Variants in B3GALT1 observed in about 807,000 individuals in gnomAD.
B3GALT1 encodes the protein beta-1,3-galactosyltransferase 1.
B3GALT1 carries 10 observed loss-of-function variants against 23.2 expected under a neutral mutation model. The observed-to-expected ratio is 0.43, with a 90% CI of 0.27 to 0.73. B3GALT1 has a LOEUF of 0.73. Ranked by LOEUF, B3GALT1 falls within the 30% of genes least tolerant of loss-of-function variation. B3GALT1 has a pLI of 0.21. For synonymous variants in B3GALT1, 156 were observed against 141.5 expected (o/e 1.10, Z -0.73); for missense variants, 299 against 405.4 (o/e 0.74, Z 2.25).
chr2:167,864,441 G>T (rs1314459009), intron 4 of B3GALT1, among the ~76,000 whole-genome samples: 1 of 152,176 alleles, frequency 6.6e-6, no homozygotes, highest in Non-Finnish European at 1.5e-5. Context: ...GCATGTGCCT[G>T]TAATCTCAGC....
At chr2:167,661,372 T>A (rs897788889) in intron 3 of B3GALT1, among the ~76,000 whole-genome samples, 2 of 152,074 alleles carry the variant, frequency 1.3e-5, no homozygotes, top group Admixed American at 1.3e-4. Context: ...CAGCTTTAAC[T>A]GTCTCTAGCC....
intron 3 of B3GALT1, among the ~76,000 whole-genome samples, chr2:167,695,893 A>G (rs1252023874): frequency 6.6e-6 from 1 of 152,096 alleles, no homozygotes; most frequent in Non-Finnish European, 1.5e-5. Context: ...CTGCATTCCA[A>G]CCAGAGGGAA....
At chr2:167,366,797 G>T (rs1032066156) in intron 1 of B3GALT1, among the ~76,000 whole-genome samples, 1 of 152,170 alleles carries the variant, frequency 6.6e-6, no homozygotes, top group African/African-American at 2.4e-5. Flanking sequence ...TTTGGCATTG[G>T]CTAGAAGCTT....
chr2:167,570,168 T>A (rs1410520003), intron 2 of B3GALT1, among the ~76,000 whole-genome samples: 7 of 151,916 alleles, frequency 4.6e-5, no homozygotes, highest in African/African-American at 1.7e-4. Flanking sequence ...AGTGGAATGC[T>A]GGCCTCATGG....
intron 1 of B3GALT1, among the ~76,000 whole-genome samples, chr2:167,489,016 A>G (rs1699665336): frequency 6.6e-6 from 1 of 152,086 alleles, no homozygotes; most frequent in Admixed American, 6.5e-5. Context: ...GGATTTATTG[A>G]TGACATTTTC....
intron 3 of B3GALT1, among the ~76,000 whole-genome samples, chr2:167,785,463 C>G (rs1461361007): frequency 2.0e-5 from 3 of 152,128 alleles, no homozygotes; most frequent in Non-Finnish European, 4.4e-5. Flanking sequence ...TTGGAAAAGA[C>G]CCATCTTAAG....
intron 2 of B3GALT1, among the ~76,000 whole-genome samples, chr2:167,509,434 ATG>A (rs147601850): frequency 1.6e-4 from 24 of 151,610 alleles, no homozygotes; most frequent in African/African-American, 5.1e-4. Context: ...ATATATACAT[ATG>A]TGTGTGTGTG....
chr2:167,327,804 C>G (rs937648325), intron 1 of B3GALT1, among the ~76,000 whole-genome samples: 6 of 152,068 alleles, frequency 3.9e-5, no homozygotes, highest in African/African-American at 1.4e-4. Flanking sequence ...TGTTACAGTT[C>G]TTACAGGAAA....
chr2:167,571,383 A>G (rs1274720262), intron 2 of B3GALT1, among the ~76,000 whole-genome samples: 1 of 151,938 alleles, frequency 6.6e-6, no homozygotes, highest in Non-Finnish European at 1.5e-5. Flanking sequence ...TCTCTTTATT[A>G]ACTGTTACTG....
At chr2:167,772,948 G>A (rs1688097054) in intron 3 of B3GALT1, among the ~76,000 whole-genome samples, 2 of 152,160 alleles carry the variant, frequency 1.3e-5, no homozygotes, top group Non-Finnish European at 2.9e-5. Flanking sequence ...GGGATCTGAA[G>A]CCTCTAATAA....
intron 3 of B3GALT1, among the ~76,000 whole-genome samples, chr2:167,706,301 G>A (rs1686966549): frequency 6.6e-6 from 1 of 152,200 alleles, no homozygotes; most frequent in Non-Finnish European, 1.5e-5. Flanking sequence ...GTGGGATGAT[G>A]TACCTTGATT....
chr2:167,376,139 A>G (rs1458443318), intron 1 of B3GALT1, among the ~76,000 whole-genome samples: 1 of 152,196 alleles, frequency 6.6e-6, no homozygotes, highest in Non-Finnish European at 1.5e-5. Context: ...TGATTTATAT[A>G]TGTCGAACCA....
intron 3 of B3GALT1, among the ~76,000 whole-genome samples, chr2:167,700,775 T>G: frequency 6.6e-6 from 1 of 152,104 alleles, no homozygotes; most frequent in East Asian, 1.9e-4. Flanking sequence ...GCGAATAGTG[T>G]GACCCACAGG....
At chr2:167,829,158 TCAGA>T (rs1344545728) in intron 4 of B3GALT1, among the ~76,000 whole-genome samples, 1 of 152,166 alleles carries the variant, frequency 6.6e-6, no homozygotes, top group African/African-American at 2.4e-5. Flanking sequence ...ACTCACTATA[TCAGA>T]CATTTTTCAA....
At chr2:167,697,880 C>T (rs1481694739) in intron 3 of B3GALT1, among the ~76,000 whole-genome samples, 1 of 152,138 alleles carries the variant, frequency 6.6e-6, no homozygotes. Context: ...CACAGTTTTA[C>T]CATTTGAATT....
At position 167,538,361 on chromosome 2, in the gene B3GALT1, A is replaced by G. The variant is rs185386393; in HGVS notation, c.-410+48084A>G. On this transcript the variant is annotated intron_variant, in intron 2 of 4. Coordinates refer to ENST00000392690, the MANE Select transcript of B3GALT1 (RefSeq NM_020981.4). Reference sequence around the variant, plus strand: ...ATGCTTTTAAAGTATGTATCAGTATATACGTATATGTGCATGTATCTACAT... The same window carrying G: ...ATGCTTTTAAAGTATGTATCAGTATGTACGTATATGTGCATGTATCTACAT... Among the ~76,000 whole-genome samples, 8 of 152,352 alleles carry G rather than the reference A, an allele frequency of 5.3e-5. No individual in the cohort carries two copies. The East Asian group carries it at 1.5e-3, about 29-fold the overall frequency.
At chr2:167,324,838 A>G (rs1696867794) in intron 1 of B3GALT1, among the ~76,000 whole-genome samples, 2 of 151,994 alleles carry the variant, frequency 1.3e-5, no homozygotes, top group Non-Finnish European at 2.9e-5. Context: ...TGCATCCATT[A>G]ACCAACCTCT....
intron 1 of B3GALT1, among the ~76,000 whole-genome samples, chr2:167,319,043 G>T (rs1696762555): frequency 6.6e-6 from 1 of 152,140 alleles, no homozygotes; most frequent in Admixed American, 6.5e-5. Context: ...CCTCAGCCAG[G>T]TCAGATGGGC....
At chr2:167,563,106 C>T (rs1045515071) in intron 2 of B3GALT1, among the ~76,000 whole-genome samples, 1 of 152,126 alleles carries the variant, frequency 6.6e-6, no homozygotes, top group African/African-American at 2.4e-5. Flanking sequence ...ACCTTTCCCC[C>T]CCTTCCATTC....
Sources: gnomAD v4.1 joint callset for allele counts (sites outside exome capture counted in the v4.1 genomes callset) on GRCh38, gnomAD v4.1.1 for gene constraint, MANE v1.5 for transcripts, NCBI Gene and HGNC (gene_info 2026-07-23, HGNC 2026-07-21) for gene names.